The following CDCA2 variants were observed in gnomAD, a reference collection of about 807,000 sequenced individuals.
CDCA2 encodes cell division cycle associated 2.
Under a neutral mutation model 67.0 loss-of-function variants are expected in CDCA2, and 44 were observed. The observed-to-expected ratio is 0.66, with a 90% confidence interval of 0.52 to 0.84. The LOEUF is 0.84. Among genes scored for constraint, CDCA2 ranks in the 40% least tolerant of loss-of-function variants. The pLI is 0.00. For synonymous variants in CDCA2, 447 were observed against 418.7 expected (o/e 1.07, Z -0.82); for missense variants, 1,253 against 1,203.2 (o/e 1.04, Z -0.61).
In CDCA2 at chr8:25,485,836, A is replaced by C; in HGVS notation, c.1443A>C (p.Ser481=). ...AATCATCAATCTCTGAGACCCTTTC[A>C]GGTAGTAACTTGTTTATCTTAAAAT... ...PNKSSISETL[S]GTDTFSSSNN... is the part of the protein sequence containing the mutation. Residue 481 remains serine (S), a splice_region_variant and synonymous_variant, in exon 11 of 15, where the codon TCA becomes TCC. Transcript: ENST00000330560. 1 of 1,551,966 alleles carries C rather than the reference A, an allele frequency of 6.4e-7. No homozygotes were observed. The highest frequency in any genetic ancestry group is 8.9e-7 in the Non-Finnish European group (1 of 1,128,608).
chr8:25,460,137 C>T, intron 1 of CDCA2, 103 bp from the exon 2 acceptor site: 1 of 1,080,432 alleles, frequency 9.3e-7, no homozygotes, highest in Non-Finnish European at 1.4e-6. Flanking sequence ...GTTTCTATGC[C>T]AGTATGGACT....
intron 14 of CDCA2, among the ~76,000 whole-genome samples, chr8:25,504,026 A>G (rs943050397): frequency 1.3e-5 from 2 of 152,160 alleles, no homozygotes; most frequent in Non-Finnish European, 2.9e-5. Context: ...ATCTCTTAAA[A>G]AAAAAAGGAA....
At chr8:25,476,521 T>C (rs1402166451) in intron 7 of CDCA2, among the ~76,000 whole-genome samples, 1 of 151,692 alleles carries the variant, frequency 6.6e-6, no homozygotes, top group Non-Finnish European at 1.5e-5. Flanking sequence ...TTCAAAAGGG[T>C]CTCAATGTTC....
chr8:25,459,914 T>A (rs1802608850), intron 1 of CDCA2, among the ~76,000 whole-genome samples: 1 of 152,154 alleles, frequency 6.6e-6, no homozygotes, highest in African/African-American at 2.4e-5. Context: ...AGGGTGGCGG[T>A]CCATAATTTA....
chr8:25,462,938 G>A (rs1054061732), intron 4 of CDCA2, among the ~76,000 whole-genome samples: 3 of 152,154 alleles, frequency 2.0e-5, no homozygotes, highest in African/African-American at 7.2e-5. Flanking sequence ...CAAAGTGCTG[G>A]GGTTACAGGT....
At chr8:25,499,294 ATTTTTTTTTT>A (rs34849682) in intron 13 of CDCA2, among the ~76,000 whole-genome samples, 10 of 83,202 alleles carry the variant, frequency 1.2e-4, no homozygotes, top group African/African-American at 3.9e-4. Context: ...ATGTCCATGA[ATTTTTTTTTT>A]TTTTTTTTTT....
intron 13 of CDCA2, among the ~76,000 whole-genome samples, chr8:25,502,849 C>T (rs1336757158): frequency 6.6e-6 from 1 of 152,100 alleles, no homozygotes; most frequent in Non-Finnish European, 1.5e-5. Context: ...AAACTGAATC[C>T]TGCTTTGTAG....
At chr8:25,486,648 C>A (rs1366159588) in intron 11 of CDCA2, among the ~76,000 whole-genome samples, 28 of 137,440 alleles carry the variant, frequency 2.0e-4, no homozygotes, top group Non-Finnish European at 2.0e-4. Context: ...ACTGAAAATA[C>A]AAAAAAAAAA....
chr8:25,471,511 G>A (rs1425685865), intron 7 of CDCA2, among the ~76,000 whole-genome samples: 4 of 152,024 alleles, frequency 2.6e-5, no homozygotes, highest in Admixed American at 6.6e-5. Flanking sequence ...ACAGGTGCCT[G>A]CCACCAAGCC....
At chr8:25,487,512 C>G (rs985661655) in intron 12 of CDCA2, among the ~76,000 whole-genome samples, 178 bp downstream of exon 12, 1 of 152,300 alleles carries the variant, frequency 6.6e-6, no homozygotes, top group East Asian at 1.9e-4. Flanking sequence ...GAGGCCGAGG[C>G]AGGCGGATCA....
upstream of CDCA2, chr8:25,458,941 G>A (rs1237929673): frequency 1.3e-5 from 2 of 152,490 alleles, no homozygotes; most frequent in African/African-American, 4.8e-5. Context: ...AGAAAGGTGG[G>A]AGGCGGAGTT....
chr8:25,484,205 A>C lies in CDCA2; in HGVS notation c.1360A>C (p.Asn454His), dbSNP rs1260168290. ...ACCAGATTTTGATGACAAGGGGGAG[A>C]ATCTTGTAAGTATGAAAAGCGTGGA... ...PQPDFDDKGE[N>H]LENIEPLQVS... The change falls in exon 10 of 15, where the codon AAT becomes CAT. Residue 454 changes from asparagine to histidine, a missense_variant. Coordinates refer to ENST00000330560, the MANE Select transcript of CDCA2 (RefSeq NM_152562.4). The C allele has an allele frequency of 1.2e-6, 2 of 1,613,690 alleles. No individual in the cohort carries two copies. The highest frequency in any genetic ancestry group is 1.7e-6 in the Non-Finnish European group (2 of 1,179,714).
At chr8:25,484,711 C>G (rs1027246383) in intron 10 of CDCA2, among the ~76,000 whole-genome samples, 4 of 151,838 alleles carry the variant, frequency 2.6e-5, no homozygotes, top group African/African-American at 7.3e-5. Context: ...CCCATATCCT[C>G]CCGTCTTAGC....
rs1337152755 is a variant in CDCA2 at position 25,507,313 on chromosome 8, A to C, written c.2647A>C (p.Arg883=). ...LSDAIEQTFQ[R]RNSETKVRRS... is the part of the protein sequence containing the mutation. ...TGATGCCATTGAGCAAACCTTTCAG[A>C]GGAGAAATAGTGAAACCAAAGTGCG... Residue 883 remains arginine, a synonymous_variant, in exon 15 of 15, where the codon AGG becomes CGG. Transcript: ENST00000330560. 6.2e-7 allele frequency: 1 copy of C among 1,614,022 alleles called. No individual in the cohort carries two copies. Among genetic ancestry groups the C allele is most frequent in the Non-Finnish European group, 8.5e-7 (1 of 1,180,040 alleles).
At chr8:25,499,114 T>A (rs1804365763) in intron 13 of CDCA2, among the ~76,000 whole-genome samples, 1 of 152,010 alleles carries the variant, frequency 6.6e-6, no homozygotes, top group African/African-American at 2.4e-5. Context: ...TTTGGGTGTT[T>A]GAAATTTTCC....
chr8:25,478,700 C>G (rs1198910104), intron 7 of CDCA2, among the ~76,000 whole-genome samples: 1 of 152,060 alleles, frequency 6.6e-6, no homozygotes. Context: ...GGTCTTTGCA[C>G]TTGGCTTTGT....
chr8:25,485,631 T>C, intron 10 of CDCA2, 128 bp from the exon 11 acceptor site: 2 of 509,238 alleles, frequency 3.9e-6, no homozygotes, highest in Non-Finnish European at 7.0e-6. Flanking sequence ...TTAGAATCTT[T>C]TATTGATTAC....
intron 4 of CDCA2, among the ~76,000 whole-genome samples, chr8:25,464,685 CCTACCATGTT>C (rs1219456661): frequency 2.6e-5 from 4 of 152,040 alleles, no homozygotes; most frequent in Non-Finnish European, 4.4e-5. Flanking sequence ...TAAATCTGCC[CCTACCATGTT>C]CAAATATGTG....
rs1586542505 is a variant in CDCA2 at position 25,506,970 on chromosome 8, C to G, written c.2304C>G (p.Asp768Glu). The G allele has an allele frequency of 1.2e-6, 2 of 1,614,084 alleles. No individual in the cohort carries two copies. The highest frequency in any genetic ancestry group is 1.6e-4 in the Middle Eastern group (1 of 6,062). ...DLNIKCERKD[D>E]FLGAAEGKLQ... Reference sequence around the variant, plus strand: ...ACATAAAGTGTGAAAGAAAGGATGACTTCTTAGGAGCTGCAGAAGGAAAAC... The same window carrying G: ...ACATAAAGTGTGAAAGAAAGGATGAGTTCTTAGGAGCTGCAGAAGGAAAAC... Residue 768 changes from aspartate to glutamate, a missense_variant, in exon 15 of 15, where the codon GAC becomes GAG. Transcript: ENST00000330560.
Sources: allele counts gnomAD v4.1 joint callset (sites outside exome capture counted in the v4.1 genomes callset), GRCh38; gene constraint gnomAD v4.1.1; transcripts MANE v1.5; gene names NCBI Gene and HGNC (gene_info 2026-07-23, HGNC 2026-07-21).